Variants in GLRX3 observed in about 807,000 individuals in gnomAD.
GLRX3 encodes the protein glutaredoxin-3.
A neutral mutation model predicts 49.5 loss-of-function variants in GLRX3; 22 were observed. That is an observed-to-expected ratio of 0.44 (90% CI 0.32 to 0.63). GLRX3 has a LOEUF of 0.63. GLRX3 is among the 30% of genes least tolerant of loss of function. The probability of loss-of-function intolerance (pLI) is 0.05; values close to 1 mark genes in which losing one functional copy is unlikely to be tolerated. For missense variants in GLRX3, 385 were observed against 396.3 expected (o/e 0.97, Z 0.24); for synonymous variants, 133 against 140.0 (o/e 0.95, Z 0.35).
intron 1 of GLRX3, among the ~76,000 whole-genome samples, chr10:130,138,620 A>G (rs566632655): frequency 7.9e-5 from 12 of 152,276 alleles, no homozygotes; most frequent in Admixed American, 5.2e-4. Context: ...GACATGTGAC[A>G]TTTACTCACT....
At chr10:130,138,871 G>C (rs12266738) in intron 1 of GLRX3, among the ~76,000 whole-genome samples, 13,002 of 103,000 alleles carry the variant, frequency 0.13, 483 homozygotes, top group Middle Eastern at 0.16. Flanking sequence ...TTTTTTTTGG[G>C]GGGGAGACAG....
intron 10 of GLRX3, 141 bp downstream of exon 10, chr10:130,175,230 C>G (rs1275509293): frequency 1.5e-6 from 1 of 654,506 alleles, no homozygotes; most frequent in Non-Finnish European, 2.8e-6. Context: ...AGACCAGTAT[C>G]ACCGTTTCTG....
At chr10:130,169,724 G>A (rs754435269) in intron 7 of GLRX3, among the ~76,000 whole-genome samples, 1 of 152,190 alleles carries the variant, frequency 6.6e-6, no homozygotes, top group Non-Finnish European at 1.5e-5. Context: ...AACTTTGTCA[G>A]CTAATGTGGT....
intron 10 of GLRX3, among the ~76,000 whole-genome samples, chr10:130,176,440 G>T (rs537625203): frequency 1.3e-5 from 2 of 152,136 alleles, no homozygotes; most frequent in Non-Finnish European, 2.9e-5. Context: ...TTTTTAACAC[G>T]TGCTTTTGTA....
intron 1 of GLRX3, among the ~76,000 whole-genome samples, chr10:130,143,951 G>A (rs908440760): frequency 6.6e-6 from 1 of 151,940 alleles, no homozygotes; most frequent in African/African-American, 2.4e-5. Context: ...TGCCTGCCTC[G>A]GCCTCCCAAA....
chr10:130,171,662 T>C (rs1157578360), intron 8 of GLRX3, 26 bp downstream of exon 8: 3 of 1,279,340 alleles, frequency 2.3e-6, no homozygotes, highest in Non-Finnish European at 3.4e-6. Flanking sequence ...TTTCAAATGG[T>C]GTATTAAAAA....
chr10:130,169,501 CA>C lies in GLRX3; in HGVS notation c.771+16del. ...AAAGGAAACAAACAGGTAAAGAACTCAAAAATGGTTTTATTTGTAATTTCTT... is the reference window on the plus strand; with the variant it reads ...AAAGGAAACAAACAGGTAAAGAACTCAAAATGGTTTTATTTGTAATTTCTT... On this transcript the variant is annotated intron_variant, in intron 7 of 10. Transcript: ENST00000331244. 1.3e-6 allele frequency: 2 copies of C among 1,563,338 alleles called. No individual in the cohort carries two copies. Among genetic ancestry groups the C allele is most frequent in the Non-Finnish European group, 1.8e-6 (2 of 1,134,186 alleles).
intron 10 of GLRX3, among the ~76,000 whole-genome samples, chr10:130,175,760 C>T (rs1342765092): frequency 1.3e-5 from 2 of 152,236 alleles, no homozygotes; most frequent in African/African-American, 4.8e-5. Context: ...CACCAACTAA[C>T]ACCTGTGTGC....
chr10:130,162,671 T>G (rs1033871757), intron 4 of GLRX3, among the ~76,000 whole-genome samples: 4 of 152,182 alleles, frequency 2.6e-5, no homozygotes, highest in African/African-American at 9.7e-5. Flanking sequence ...ACAGCAGCAG[T>G]CTCAGTCTTT....
intron 1 of GLRX3, among the ~76,000 whole-genome samples, chr10:130,143,033 A>G (rs879715295): frequency 2.6e-5 from 4 of 152,176 alleles, no homozygotes; most frequent in Non-Finnish European, 4.4e-5. Flanking sequence ...TCTAGACATC[A>G]TACTAACAAC....
At chr10:130,172,802 T>C (rs1862837544) in intron 8 of GLRX3, among the ~76,000 whole-genome samples, 1 of 151,950 alleles carries the variant, frequency 6.6e-6, no homozygotes, top group South Asian at 2.1e-4. Flanking sequence ...ATTAGCCGGG[T>C]GCGGTGGCGC....
intron 6 of GLRX3, among the ~76,000 whole-genome samples, chr10:130,168,927 C>G (rs954342937): frequency 6.6e-6 from 1 of 152,178 alleles, no homozygotes; most frequent in Non-Finnish European, 1.5e-5. Flanking sequence ...GTTTGAAAGA[C>G]TATATAAAAT....
At chr10:130,138,932 G>T (rs1466605069) in intron 1 of GLRX3, among the ~76,000 whole-genome samples, 4 of 138,910 alleles carry the variant, frequency 2.9e-5, no homozygotes, top group Non-Finnish European at 6.0e-5. Flanking sequence ...CACAATCTTG[G>T]CTCACTGCAA....
Position 130,171,594 on chromosome 10 carries a change from G to A in GLRX3, c.782G>A (p.Cys261Tyr), listed in dbSNP as rs1466562713. 1 of 1,540,968 alleles carries A rather than the reference G, an allele frequency of 6.5e-7. No individual in the cohort carries two copies. Among genetic ancestry groups the A allele is most frequent in the East Asian group, 2.2e-5 (1 of 44,530 alleles). Reference protein sequence around the residue: ...FMKGNKQEAKCGFSKQILEIL... With the variant: ...FMKGNKQEAKYGFSKQILEIL... ...TTTTTTTTCATTTAGGAAGCAAAATGTGGATTCAGCAAACAAATTCTGGAA... is the reference window on the plus strand; with the variant it reads ...TTTTTTTTCATTTAGGAAGCAAAATATGGATTCAGCAAACAAATTCTGGAA... The change falls in exon 8 of 11, where the codon TGT becomes TAT. Residue 261 changes from cysteine to tyrosine, a missense_variant. Physicochemically the swap from Cys to Tyr is radical, Grantham distance 194. Around this residue, in one of 2 missense-constraint regions of GLRX3, gnomAD observed 374 missense variants for 358.6 expected, o/e 1.04. Coordinates refer to ENST00000331244, the MANE Select transcript of GLRX3 (RefSeq NM_006541.5).
chr10:130,167,737 TTAA>T (rs1341589796), intron 6 of GLRX3, among the ~76,000 whole-genome samples: 1 of 152,188 alleles, frequency 6.6e-6, no homozygotes, highest in Non-Finnish European at 1.5e-5. Context: ...CTAAAAGTGT[TTAA>T]TAATAATAAA....
intron 10 of GLRX3, 68 bp from the exon 11 acceptor site, chr10:130,179,274 A>G: frequency 2.7e-6 from 2 of 754,550 alleles, no homozygotes. Flanking sequence ...ACAAGCTGTG[A>G]TTGTTTAGAT....
At chr10:130,167,005 T>A in intron 6 of GLRX3, 25 bp downstream of exon 6, 1 of 1,278,376 alleles carries the variant, frequency 7.8e-7, no homozygotes, top group Non-Finnish European at 1.1e-6. Flanking sequence ...AGGTTTCAAA[T>A]AGCCTATCAT....
intron 2 of GLRX3, among the ~76,000 whole-genome samples, chr10:130,155,447 T>C (rs1272850496): frequency 6.6e-6 from 1 of 152,096 alleles, no homozygotes; most frequent in African/African-American, 2.4e-5. Context: ...CTAGGCCAGG[T>C]GAGAGATGAA....
chr10:130,166,904 G>A lies in GLRX3; in HGVS notation c.652-15G>A, dbSNP rs761618892. 2 of 1,535,302 alleles carry A rather than the reference G, an allele frequency of 1.3e-6. No homozygotes were observed. The highest frequency in any genetic ancestry group is 1.4e-5 in the African/African-American group (1 of 72,540). Reference sequence around the variant, plus strand: ...ATAATTTTTTTCATAAAACTGGTATGTGTGCTTATTTTAGGAGCTAGAAGC... The same window carrying A: ...ATAATTTTTTTCATAAAACTGGTATATGTGCTTATTTTAGGAGCTAGAAGC... On this transcript the variant is annotated splice_polypyrimidine_tract_variant and intron_variant, in intron 5 of 10. Transcript: ENST00000331244.
Sources: gnomAD v4.1 joint callset for allele counts (sites outside exome capture counted in the v4.1 genomes callset) on GRCh38, gnomAD v4.1.1 for gene constraint, gnomAD v4.1.1 regional missense constraint, MANE v1.5 for transcripts, NCBI Gene and HGNC (gene_info 2026-07-23, HGNC 2026-07-21) for gene names.